PI4K2A: variants seen among roughly 807,000 people sequenced by gnomAD.
The protein encoded by PI4K2A is phosphatidylinositol 4-kinase type 2 alpha, also known as phosphatidylinositol 4-kinase type 2-alpha.
Under a neutral mutation model 55.0 loss-of-function variants are expected in PI4K2A, and 20 were observed. The ratio of observed to expected loss-of-function variants is 0.36; its 90% CI spans 0.26 to 0.53. The LOEUF (loss-of-function observed/expected upper bound fraction) is 0.53, where lower values mean the gene tolerates loss of function less well. PI4K2A is among the 20% of genes least tolerant of loss of function. The pLI is 0.91. For missense variants in PI4K2A, 463 were observed against 637.1 expected, an observed-to-expected ratio of 0.73 and a Z score of 2.94; for synonymous variants, 235 against 258.5, an observed-to-expected ratio of 0.91 and a Z score of 0.87.
At chr10:97,648,092 AT>A (rs11332690) in intron 1 of PI4K2A, among the ~76,000 whole-genome samples, 15,312 of 120,626 alleles carry the variant, frequency 0.13, 2,176 homozygotes, top group African/African-American at 0.38. Context: ...CACTTAGCTA[AT>A]TTTTTTTTTT....
At chr10:97,640,768 C>T (rs146171100) in exon 1 of PI4K2A, 575 of 1,507,714 alleles carry the variant, frequency 3.8e-4, no homozygotes, top group Non-Finnish European at 4.8e-4. Flanking sequence ...CCACTAGTGT[C>T]CCCCGAGCGG....
chr10:97,655,607 C>G (rs896541840), intron 2 of PI4K2A, among the ~76,000 whole-genome samples: 7 of 152,000 alleles, frequency 4.6e-5, no homozygotes, highest in Non-Finnish European at 1.5e-5. Flanking sequence ...GAGTCTCCCT[C>G]TGTCACCCAG....
At chr10:97,674,401 C>G (rs1054908669) in exon 9 of PI4K2A, 4 of 152,264 alleles carry the variant, frequency 2.6e-5, no homozygotes, top group African/African-American at 9.7e-5. Context: ...GCTTTACCCC[C>G]GCCAGCACTT....
At chr10:97,645,806 C>A (rs560238868) in intron 1 of PI4K2A, among the ~76,000 whole-genome samples, 2 of 151,814 alleles carry the variant, frequency 1.3e-5, no homozygotes, top group African/African-American at 4.8e-5. Flanking sequence ...GCAGCCTTGG[C>A]CTCCCAGTGT....
chr10:97,671,164 A>G (rs1366254216), intron 8 of PI4K2A, among the ~76,000 whole-genome samples: 1 of 151,848 alleles, frequency 6.6e-6, no homozygotes, highest in African/African-American at 2.4e-5. Context: ...AGAGAGAGAG[A>G]AGACAGGACA....
intron 2 of PI4K2A, among the ~76,000 whole-genome samples, chr10:97,653,246 G>A (rs950021485): frequency 3.3e-5 from 5 of 152,232 alleles, no homozygotes; most frequent in Non-Finnish European, 7.3e-5. Context: ...CTTCTGGAGT[G>A]TGGTGCCCAA....
chr10:97,647,736 C>G (rs1306483643), intron 1 of PI4K2A, among the ~76,000 whole-genome samples: 3 of 149,756 alleles, frequency 2.0e-5, no homozygotes, highest in Non-Finnish European at 4.5e-5. Flanking sequence ...CCTCATTGAT[C>G]TAGTCCAGGC....
At chr10:97,663,319 C>T (rs1407294997) in intron 5 of PI4K2A, among the ~76,000 whole-genome samples, 1 of 152,082 alleles carries the variant, frequency 6.6e-6, no homozygotes, top group African/African-American at 2.4e-5. Context: ...AACCATGAAC[C>T]ACTTTTCTCA....
intron 4 of PI4K2A, among the ~76,000 whole-genome samples, chr10:97,658,884 CT>C (rs747094089): frequency 6.6e-5 from 10 of 152,170 alleles, no homozygotes; most frequent in African/African-American, 9.7e-5. Flanking sequence ...TTCTTTGGAG[CT>C]GTCTATTTAA....
intron 8 of PI4K2A, among the ~76,000 whole-genome samples, chr10:97,668,608 AATT>A (rs1216934069): frequency 1.3e-5 from 2 of 151,970 alleles, no homozygotes; most frequent in Non-Finnish European, 1.5e-5. Flanking sequence ...CACCTTACAG[AATT>A]ATTATGAGAT....
intron 5 of PI4K2A, among the ~76,000 whole-genome samples, chr10:97,664,433 G>A (rs1234122682): frequency 6.6e-6 from 1 of 152,196 alleles, no homozygotes; most frequent in African/African-American, 2.4e-5. Flanking sequence ...GTTATCTTCC[G>A]AGGCTCTGTT....
At chr10:97,657,681 A>G (rs1027539112) in intron 4 of PI4K2A, among the ~76,000 whole-genome samples, 7 of 151,920 alleles carry the variant, frequency 4.6e-5, no homozygotes, top group Non-Finnish European at 7.4e-5. Context: ...AAAAAAAAAA[A>G]AGTCTCTAAA....
At position 97,641,067 on chromosome 10, in the gene PI4K2A, G is replaced by T; in HGVS notation, c.325G>T (p.Glu109Ter). The change falls in exon 1 of 9, where the codon GAG (glutamate) becomes TAG (stop). Residue 109 changes from glutamate (E) to a stop codon, truncating the protein, a stop_gained. Coordinates refer to ENST00000370631, the Ensembl canonical transcript of PI4K2A. LOFTEE classifies it high-confidence loss of function. ...GCGGAACGAGTTCCCGGAGGATCCT[G>T]AGTTCGAGGCGGTGGTGCGGCAGGC... The T allele has an allele frequency of 6.2e-7, 1 of 1,607,678 alleles. No homozygotes were observed.
exon 1 of PI4K2A, chr10:97,640,749 G>C (rs2041462496): frequency 6.6e-7 from 1 of 1,505,378 alleles, no homozygotes; most frequent in Non-Finnish European, 8.9e-7. Context: ...AGGGATGGAC[G>C]AGACGAGCCC....
At chr10:97,644,880 C>T (rs1046558605) in intron 1 of PI4K2A, among the ~76,000 whole-genome samples, 13 of 151,972 alleles carry the variant, frequency 8.6e-5, no homozygotes, top group African/African-American at 2.7e-4. Flanking sequence ...GCACTTTCTG[C>T]GACAGCCACT....
intron 1 of PI4K2A, among the ~76,000 whole-genome samples, chr10:97,650,024 T>A (rs1245612278): frequency 6.6e-6 from 1 of 151,938 alleles, no homozygotes; most frequent in African/African-American, 2.4e-5. Context: ...GAAATTAGAG[T>A]TTATGATGTT....
chr10:97,671,477 A>G (rs2041634873), intron 8 of PI4K2A, among the ~76,000 whole-genome samples: 1 of 152,056 alleles, frequency 6.6e-6, no homozygotes, highest in South Asian at 2.1e-4. Context: ...AAATTAGGGG[A>G]AACTGGGCAA....
At chr10:97,647,969 C>G (rs541372934) in intron 1 of PI4K2A, among the ~76,000 whole-genome samples, 1 of 151,516 alleles carries the variant, frequency 6.6e-6, no homozygotes, top group South Asian at 2.1e-4. Context: ...GGGTCTTGCT[C>G]TGTCACCCAG....
intron 8 of PI4K2A, among the ~76,000 whole-genome samples, chr10:97,667,565 C>T (rs12253425): frequency 0.029 from 4,342 of 152,272 alleles, 183 homozygotes; most frequent in East Asian, 0.15. Context: ...TGTACCTTAA[C>T]ACCTAGGAGA....
Sources: gnomAD v4.1 joint callset for allele counts (sites outside exome capture counted in the v4.1 genomes callset) on GRCh38, gnomAD v4.1.1 for gene constraint, MANE v1.5 for transcripts, NCBI Gene and HGNC (gene_info 2026-07-23, HGNC 2026-07-21) for gene names.